Variants in SP140L observed in about 807,000 individuals in gnomAD.
SP140L encodes the protein SP140 like nuclear body protein, also known as nuclear body protein SP140-like protein.
Under a neutral mutation model 84.3 loss-of-function variants are expected in SP140L, and 64 were observed. The observed-to-expected ratio is 0.76, with a 90% CI of 0.62 to 0.94. The LOEUF is 0.94. Ranked by LOEUF, SP140L falls within the 40% of genes least tolerant of loss-of-function variation. SP140L has a pLI of 0.00. For synonymous variants in SP140L, 242 were observed against 236.9 expected, an observed-to-expected ratio of 1.02 and a Z score of -0.20; for missense variants, 628 against 692.5, an observed-to-expected ratio of 0.91 and a Z score of 1.05.
chr2:230,381,552 A>G (rs1002568867), intron 7 of SP140L, among the ~76,000 whole-genome samples: 4 of 152,178 alleles, frequency 2.6e-5, no homozygotes, highest in African/African-American at 9.7e-5. Flanking sequence ...GATTTGTTAA[A>G]TGTTGTAGGA....
chr2:230,387,788 G>A (rs760745094), intron 9 of SP140L, among the ~76,000 whole-genome samples: 2 of 152,178 alleles, frequency 1.3e-5, no homozygotes, highest in Non-Finnish European at 2.9e-5. Flanking sequence ...TGTCTGCCAT[G>A]TCAATCCTTA....
At chr2:230,344,330 G>T (rs113820433) in intron 2 of SP140L, among the ~76,000 whole-genome samples, 3,602 of 152,174 alleles carry the variant, frequency 0.024, 145 homozygotes, top group African/African-American at 0.082. Flanking sequence ...CAGAAACTAG[G>T]ATCAAAACTC....
chr2:230,392,675 T>G (rs2061872019), intron 12 of SP140L, among the ~76,000 whole-genome samples: 1 of 152,194 alleles, frequency 6.6e-6, no homozygotes, highest in Non-Finnish European at 1.5e-5. Context: ...CAACTGGGGT[T>G]GTCTGTGGAG....
At position 230,358,947 on chromosome 2, in the gene SP140L, A is replaced by C. The variant is rs57080723; in HGVS notation, c.271-17A>C. ...GAAAGTCTGTATTTGTATTTTCTCC[A>C]TTCAATATTTTTAAAGGATTCTGAA... On this transcript the variant is annotated splice_polypyrimidine_tract_variant and intron_variant, in intron 3 of 18. Coordinates refer to ENST00000415673, the MANE Select transcript of SP140L (RefSeq NM_138402.6). 3.2e-6 allele frequency: 5 copies of C among 1,555,302 alleles called. No individual in the cohort carries two copies. The highest frequency in any genetic ancestry group is 4.3e-6 in the Non-Finnish European group (5 of 1,156,168).
At chr2:230,348,056 C>T (rs890099638) in intron 2 of SP140L, among the ~76,000 whole-genome samples, 2 of 152,216 alleles carry the variant, frequency 1.3e-5, no homozygotes, top group Admixed American at 1.3e-4. Flanking sequence ...AGATGTAGCA[C>T]AGAATGCTAC....
intron 11 of SP140L, 174 bp from the exon 12 acceptor site, chr2:230,391,913 G>A: frequency 1.3e-6 from 1 of 771,730 alleles, no homozygotes; most frequent in Non-Finnish European, 2.1e-6. Context: ...AATATACTTA[G>A]AGGGGACTTT....
In SP140L at chr2:230,347,724, G is replaced by A. The variant is rs969453568; in HGVS notation, c.108-10081G>A. ...TTTGAGGCTGGGCAGAATCTCTTTGGGGGTTCCCTGGTCCAACAAGACAGA... is the reference window on the plus strand; with the variant it reads ...TTTGAGGCTGGGCAGAATCTCTTTGAGGGTTCCCTGGTCCAACAAGACAGA... On this transcript the variant is annotated intron_variant, in intron 2 of 18. Transcript: ENST00000415673. Among the ~76,000 whole-genome samples, 7 of 152,162 alleles carry A rather than the reference G, an allele frequency of 4.6e-5. No homozygotes were observed. The East Asian group carries it at 7.7e-4, about 17-fold the overall frequency.
At chr2:230,369,166 G>C (rs1215363001) in intron 5 of SP140L, among the ~76,000 whole-genome samples, 1 of 152,188 alleles carries the variant, frequency 6.6e-6, no homozygotes, top group Non-Finnish European at 1.5e-5. Context: ...ACCAAAGAAA[G>C]GCTTGCTGCT....
chr2:230,342,773 C>T (rs924127653), intron 2 of SP140L, among the ~76,000 whole-genome samples: 2 of 152,078 alleles, frequency 1.3e-5, no homozygotes, highest in African/African-American at 4.8e-5. Context: ...TAAGTTCTGT[C>T]TCTTATTTCC....
intron 14 of SP140L, among the ~76,000 whole-genome samples, chr2:230,397,276 G>T (rs901652436): frequency 1.3e-5 from 2 of 152,202 alleles, no homozygotes; most frequent in African/African-American, 4.8e-5. Context: ...AACAGACCAG[G>T]CCAAGCTATT....
At chr2:230,372,712 G>A (rs1399381607) in intron 7 of SP140L, 1 of 121,356 alleles carries the variant, frequency 8.2e-6, no homozygotes, top group Non-Finnish European at 1.6e-5. Flanking sequence ...GAGACACAGC[G>A]AGACTCCGTC....
intron 2 of SP140L, among the ~76,000 whole-genome samples, chr2:230,343,402 AG>A (rs1404365863): frequency 1.4e-5 from 2 of 147,852 alleles, no homozygotes; most frequent in African/African-American, 5.0e-5. Context: ...GTCCCTGCAA[AG>A]GACATGATCT....
intron 7 of SP140L, among the ~76,000 whole-genome samples, chr2:230,382,726 C>T (rs2061448353): frequency 6.6e-6 from 1 of 152,218 alleles, no homozygotes; most frequent in African/African-American, 2.4e-5. Context: ...CTACAGAACA[C>T]TTGCAATCCC....
intron 5 of SP140L, among the ~76,000 whole-genome samples, chr2:230,369,864 C>G (rs1323678379): frequency 6.6e-6 from 1 of 152,238 alleles, no homozygotes; most frequent in African/African-American, 2.4e-5. Flanking sequence ...GCCTCTGCCT[C>G]CTGGGTTCAA....
rs186464951 is a variant in SP140L at position 230,389,941 on chromosome 2, A to G, written c.882A>G (p.Glu294=). The G allele has an allele frequency of 6.2e-7, 1 of 1,613,830 alleles. No homozygotes were observed. The highest frequency in any genetic ancestry group is 2.2e-5 in the East Asian group (1 of 44,882). Reference sequence around the variant, plus strand: ...CAGCTTCAAGAAAGCACAAAGATGAAACTGTGGATTTTCAGGCTCCTTTAC... The same window carrying G: ...CAGCTTCAAGAAAGCACAAAGATGAGACTGTGGATTTTCAGGCTCCTTTAC... ...RSRASRKHKD[E]TVDFQAPLLP... The change falls in exon 11 of 19, where the codon GAA becomes GAG. Residue 294 remains glutamate (E), a synonymous_variant. Coordinates refer to ENST00000415673, the MANE Select transcript of SP140L (RefSeq NM_138402.6).
At chr2:230,363,101 A>G (rs1010204956) in intron 5 of SP140L, among the ~76,000 whole-genome samples, 3 of 152,160 alleles carry the variant, frequency 2.0e-5, no homozygotes, top group African/African-American at 7.2e-5. Flanking sequence ...GAGATTTTCA[A>G]TTTATGTTGG....
intron 6 of SP140L, 81 bp from the exon 7 acceptor site, chr2:230,371,517 T>C: frequency 1.6e-6 from 2 of 1,235,064 alleles, no homozygotes; most frequent in Non-Finnish European, 2.3e-6. Context: ...AACTCAAGCC[T>C]TCTATAGTAT....
At chr2:230,381,331 A>AATCTGGAGGCTAC (rs2149789146) in intron 7 of SP140L, among the ~76,000 whole-genome samples, 1 of 152,256 alleles carries the variant, frequency 6.6e-6, no homozygotes, top group South Asian at 2.1e-4. Flanking sequence ...TTTGCCCTAT[A>AATCTGGAGGCTAC]ATCTGGAGGC....
At position 230,382,368 on chromosome 2, in the gene SP140L, A is replaced by G. The variant is rs1309362117; in HGVS notation, c.638-1142A>G. Among the ~76,000 whole-genome samples, 4 of 152,150 alleles carry G rather than the reference A, an allele frequency of 2.6e-5. No individual in the cohort carries two copies. The East Asian group carries it at 7.7e-4, about 29-fold the overall frequency. Reference sequence around the variant, plus strand: ...GATCCAGGGTAGTTCTGAGAGACAGATATCACCAATGCTCCTGCTTCCTCC... The same window carrying G: ...GATCCAGGGTAGTTCTGAGAGACAGGTATCACCAATGCTCCTGCTTCCTCC... On this transcript the variant is annotated intron_variant, in intron 7 of 18. Transcript: ENST00000415673.
Sources: allele counts gnomAD v4.1 joint callset (sites outside exome capture counted in the v4.1 genomes callset), GRCh38; gene constraint gnomAD v4.1.1; transcripts MANE v1.5; gene names NCBI Gene and HGNC (gene_info 2026-07-23, HGNC 2026-07-21).